STK4: variants seen among roughly 807,000 people sequenced by gnomAD.
STK4 encodes serine/threonine kinase 4, also known as serine/threonine-protein kinase 4.
Under a neutral mutation model 64.9 loss-of-function variants are expected in STK4, and 30 were observed. That is an observed-to-expected ratio of 0.46 (90% CI 0.35 to 0.63). STK4 has a LOEUF of 0.63. Ranked by LOEUF, STK4 falls within the 20% of genes least tolerant of loss-of-function variation. STK4 has a pLI of 0.01. For synonymous variants in STK4, 177 were observed against 199.0 expected (o/e 0.89, Z 0.93); for missense variants, 466 against 598.5 (o/e 0.78, Z 2.31).
intron 3 of STK4, among the ~76,000 whole-genome samples, chr20:44,980,754 C>T (rs147015567): frequency 3.2e-4 from 49 of 150,998 alleles, no homozygotes; most frequent in African/African-American, 1.1e-3. Flanking sequence ...CTGCAAGCTC[C>T]GGCTCCTGGG....
intron 10 of STK4, among the ~76,000 whole-genome samples, chr20:45,028,273 T>C (rs2145392450): frequency 6.6e-6 from 1 of 152,262 alleles, no homozygotes; most frequent in South Asian, 2.1e-4. Context: ...CAGCATTTGT[T>C]ATTTCCTGTC....
intron 10 of STK4, among the ~76,000 whole-genome samples, chr20:45,067,235 C>G (rs1979653028): frequency 6.6e-6 from 1 of 152,058 alleles, no homozygotes; most frequent in African/African-American, 2.4e-5. Context: ...TTGCTAAATT[C>G]CAAAGGTGTG....
intron 9 of STK4, among the ~76,000 whole-genome samples, chr20:45,017,037 A>G (rs547524510): frequency 6.6e-6 from 1 of 152,360 alleles, no homozygotes; most frequent in Non-Finnish European, 1.5e-5. Context: ...GATTCTTTTC[A>G]AATGTTTATG....
At chr20:45,016,626 A>T (rs896601200) in intron 9 of STK4, among the ~76,000 whole-genome samples, 1 of 152,200 alleles carries the variant, frequency 6.6e-6, no homozygotes, top group Non-Finnish European at 1.5e-5. Context: ...GATGCCTGAA[A>T]ATTCATTCAG....
Position 44,990,577 on chromosome 20 carries a change from T to C in STK4, c.525+3281T>C, listed in dbSNP as rs139473766. Among the ~76,000 whole-genome samples, 858 of 152,324 alleles carry C rather than the reference T, an allele frequency of 5.6e-3. 6 individuals are homozygous for C. Among genetic ancestry groups the C allele is most frequent in the African/African-American group, 0.016 (652 of 41,576 alleles). On this transcript the variant is annotated intron_variant, in intron 5 of 10. Coordinates refer to ENST00000372806, the MANE Select transcript of STK4 (RefSeq NM_006282.5). ...CCTCTCCGGTCTCTTGTCTAGAGGCTGTAGGCCTTGTTGGCAGCTTTCTGG... is the reference window on the plus strand; with the variant it reads ...CCTCTCCGGTCTCTTGTCTAGAGGCCGTAGGCCTTGTTGGCAGCTTTCTGG...
chr20:44,981,785 T>C (rs1286933528), intron 3 of STK4, 44 bp from the exon 4 acceptor site: 2 of 1,187,370 alleles, frequency 1.7e-6, no homozygotes, highest in Admixed American at 1.7e-5. Flanking sequence ...TTAAGAGATA[T>C]TTGAAGGCCA....
At chr20:45,020,636 G>A (rs894065608) in intron 9 of STK4, among the ~76,000 whole-genome samples, 1 of 152,044 alleles carries the variant, frequency 6.6e-6, no homozygotes, top group Admixed American at 6.6e-5. Context: ...TTGGACTCAG[G>A]TAGGCAGGCA....
chr20:45,016,035 A>G (rs2068135818), intron 9 of STK4, among the ~76,000 whole-genome samples: 1 of 152,210 alleles, frequency 6.6e-6, no homozygotes. Flanking sequence ...GTGCCACCCC[A>G]GGAATGCCTG....
chr20:45,070,635 C>T (rs187276729), intron 10 of STK4, among the ~76,000 whole-genome samples: 2 of 152,214 alleles, frequency 1.3e-5, no homozygotes, highest in Non-Finnish European at 2.9e-5. Flanking sequence ...CCTGTAATCC[C>T]AGCACTTTGG....
chr20:45,058,521 C>A (rs1007523645), intron 10 of STK4, among the ~76,000 whole-genome samples: 6 of 152,208 alleles, frequency 3.9e-5, no homozygotes, highest in Admixed American at 2.6e-4. Flanking sequence ...CTGAAGATGC[C>A]TTTTAAGACT....
At chr20:45,034,487 C>T (rs2068495258) in intron 10 of STK4, among the ~76,000 whole-genome samples, 1 of 152,060 alleles carries the variant, frequency 6.6e-6, no homozygotes, top group South Asian at 2.1e-4. Flanking sequence ...ATTTACTTCC[C>T]ATGTGGAAGT....
At chr20:45,056,950 T>C (rs1386404120) in intron 10 of STK4, among the ~76,000 whole-genome samples, 5 of 152,192 alleles carry the variant, frequency 3.3e-5, no homozygotes, top group Non-Finnish European at 7.4e-5. Flanking sequence ...ATCCAAAGTC[T>C]CTGGGCAAGC....
chr20:45,065,584 T>G (rs1979494901), intron 10 of STK4, among the ~76,000 whole-genome samples: 1 of 152,156 alleles, frequency 6.6e-6, no homozygotes, highest in Non-Finnish European at 1.5e-5. Flanking sequence ...CTTATACATC[T>G]GATAGAATTC....
intron 1 of STK4, among the ~76,000 whole-genome samples, chr20:44,968,863 T>C (rs1035848843): frequency 6.6e-6 from 1 of 152,202 alleles, no homozygotes; most frequent in Non-Finnish European, 1.5e-5. Context: ...TTATCACGTG[T>C]ATCAGTTTAT....
intron 10 of STK4, among the ~76,000 whole-genome samples, chr20:45,062,991 T>C (rs1979219876): frequency 2.3e-5 from 1 of 43,874 alleles, no homozygotes; most frequent in Non-Finnish European, 3.9e-5. Flanking sequence ...CACCCGGCCT[T>C]TTTTTTTTTT....
intron 10 of STK4, among the ~76,000 whole-genome samples, chr20:45,025,625 C>T (rs1568732919): frequency 6.6e-6 from 1 of 152,120 alleles, no homozygotes; most frequent in Non-Finnish European, 1.5e-5. Context: ...CCTTTCTCTA[C>T]TGTGGAACAT....
chr20:45,025,261 A>C, intron 10 of STK4, 131 bp downstream of exon 10: 1 of 1,057,988 alleles, frequency 9.5e-7, no homozygotes. Context: ...TACTGAGCTG[A>C]AGGACAGTAT....
chr20:45,019,204 C>G (rs1001479171), intron 9 of STK4, among the ~76,000 whole-genome samples: 1 of 152,170 alleles, frequency 6.6e-6, no homozygotes. Context: ...AGTCACTTCT[C>G]ATTTGCCTCT....
chr20:45,052,484 C>A (rs867709683), intron 10 of STK4, among the ~76,000 whole-genome samples: 3 of 152,112 alleles, frequency 2.0e-5, no homozygotes, highest in African/African-American at 7.2e-5. Flanking sequence ...ACATTACATT[C>A]TTTTGATTGA....
Sources: gnomAD v4.1 joint callset for allele counts (sites outside exome capture counted in the v4.1 genomes callset) on GRCh38, gnomAD v4.1.1 for gene constraint, MANE v1.5 for transcripts, NCBI Gene and HGNC (gene_info 2026-07-23, HGNC 2026-07-21) for gene names.